The following KIF13B variants were observed in gnomAD, a reference collection of about 807,000 sequenced individuals.
The protein encoded by KIF13B is kinesin-like protein KIF13B.
Under a neutral mutation model 222.0 loss-of-function variants are expected in KIF13B, and 127 were observed. That is an observed-to-expected ratio of 0.57 (90% CI 0.50 to 0.66). KIF13B has a LOEUF of 0.66. Among genes scored for constraint, KIF13B ranks in the 30% least tolerant of loss-of-function variants. The probability of loss-of-function intolerance (pLI) is 0.00; values close to 1 mark genes in which losing one functional copy is unlikely to be tolerated. For synonymous variants in KIF13B, 976 were observed against 919.0 expected (o/e 1.06, Z -1.12); for missense variants, 2,173 against 2,379.0 (o/e 0.91, Z 1.80).
chr8:29,228,679 T>C (rs1815150245), intron 2 of KIF13B, among the ~76,000 whole-genome samples: 1 of 151,944 alleles, frequency 6.6e-6, no homozygotes, highest in Non-Finnish European at 1.5e-5. Context: ...GGTGCTTGTC[T>C]GAGAGCTGTG....
At chr8:29,129,646 CAA>C (rs11418745) in intron 24 of KIF13B, among the ~76,000 whole-genome samples, 11 of 149,868 alleles carry the variant, frequency 7.3e-5, no homozygotes, top group South Asian at 2.1e-4. Flanking sequence ...TAAAGTATAG[CAA>C]AAAAAAAAAA....
intron 1 of KIF13B, among the ~76,000 whole-genome samples, chr8:29,257,446 CTTAA>C (rs941652397): frequency 6.6e-5 from 10 of 152,140 alleles, no homozygotes; most frequent in Admixed American, 6.5e-4. Flanking sequence ...AATCCATCTC[CTTAA>C]TTAATAGTTT....
At chr8:29,129,202 G>T (rs1324127583) in intron 24 of KIF13B, among the ~76,000 whole-genome samples, 1 of 152,156 alleles carries the variant, frequency 6.6e-6, no homozygotes, top group African/African-American at 2.4e-5. Flanking sequence ...TTAGTAAAGG[G>T]TGTCAGAAGT....
At chr8:29,259,167 G>A (rs933158416) in intron 1 of KIF13B, among the ~76,000 whole-genome samples, 3 of 151,658 alleles carry the variant, frequency 2.0e-5, no homozygotes, top group Non-Finnish European at 2.9e-5. Flanking sequence ...CATTTTAATC[G>A]CTGTATAATA....
intron 2 of KIF13B, among the ~76,000 whole-genome samples, chr8:29,223,501 A>C (rs1814862851): frequency 6.6e-6 from 1 of 152,192 alleles, no homozygotes; most frequent in South Asian, 2.1e-4. Context: ...TGAATTATGT[A>C]TATCTAACAA....
intron 37 of KIF13B, among the ~76,000 whole-genome samples, chr8:29,084,387 C>T (rs1807949251): frequency 1.3e-5 from 2 of 152,152 alleles, no homozygotes; most frequent in South Asian, 2.1e-4. Flanking sequence ...GGAAGAATCA[C>T]AGTAATGGAA....
chr8:29,262,214 G>A (rs1401078227), intron 1 of KIF13B, among the ~76,000 whole-genome samples: 2 of 152,182 alleles, frequency 1.3e-5, no homozygotes, highest in African/African-American at 2.4e-5. Flanking sequence ...CGGGTCTACA[G>A]ATTATTTAAA....
chr8:29,087,031 G>C (rs1034674938), intron 37 of KIF13B, among the ~76,000 whole-genome samples: 1 of 152,228 alleles, frequency 6.6e-6, no homozygotes, highest in Non-Finnish European at 1.5e-5. Flanking sequence ...AGCCACGCCA[G>C]TGTGTGCGCA....
Position 29,134,227 on chromosome 8 carries a change from G to C in KIF13B, c.2614-17C>G, listed in dbSNP as rs771040365. 1.9e-6 allele frequency: 3 copies of C among 1,610,000 alleles called. No homozygotes were observed. Among genetic ancestry groups the C allele is most frequent in the Non-Finnish European group, 2.5e-6 (3 of 1,178,118 alleles). ...GATTTTAACCTGAAGGAAAAAGAAG[G>C]CTCTGTGTTTTGAAATCTGAGGGTT... On this transcript the variant is annotated splice_polypyrimidine_tract_variant and intron_variant, in intron 21 of 39. Transcript: ENST00000524189.
chr8:29,071,972 A>AG lies in KIF13B; in HGVS notation c.4865dup (p.Gly1623TrpfsTer68). On this transcript the variant is annotated frameshift_variant, in exon 39 of 40. Coordinates refer to ENST00000524189, the MANE Select transcript of KIF13B (RefSeq NM_015254.4). LOFTEE classifies it high-confidence loss of function. This position sits in a 1 kb window ranked among gnomAD's most constrained non-coding sequence, Gnocchi z 4.9. Reference sequence around the variant, plus strand: ...CGGGGCTCACGAGCTGCTGGGGGCCAGGGGGCTCCTCGGCGGGGACGGCCG... The same window carrying AG: ...CGGGGCTCACGAGCTGCTGGGGGCCAGGGGGGCTCCTCGGCGGGGACGGCCG... 1 of 1,322,434 alleles carries AG rather than the reference A, an allele frequency of 7.6e-7. No homozygotes were observed. Among genetic ancestry groups the AG allele is most frequent in the Non-Finnish European group, 9.6e-7 (1 of 1,040,234 alleles). The allele number at this position is 1,322,434 out of a possible 1,614,324, so 81.9% of individuals were successfully genotyped here.
chr8:29,235,442 C>T (rs1363555513), intron 2 of KIF13B, among the ~76,000 whole-genome samples: 1 of 152,310 alleles, frequency 6.6e-6, no homozygotes, highest in African/African-American at 2.4e-5. Flanking sequence ...GAAATTCCAA[C>T]TCCAGACTTG....
chr8:29,164,848 C>T (rs1269429745), intron 12 of KIF13B, among the ~76,000 whole-genome samples: 2 of 151,084 alleles, frequency 1.3e-5, no homozygotes, highest in African/African-American at 2.4e-5. Context: ...CCTACCCTAA[C>T]GTGTTTTTTT....
At chr8:29,159,531 G>C (rs564887637) in intron 13 of KIF13B, among the ~76,000 whole-genome samples, 4 of 152,242 alleles carry the variant, frequency 2.6e-5, no homozygotes, top group Non-Finnish European at 5.9e-5. Flanking sequence ...GTGGAATGTG[G>C]GATCTTTTCT....
In KIF13B at chr8:29,150,340, G is replaced by A. The variant is rs764185795; in HGVS notation, c.1579C>T (p.His527Tyr). Residue 527 changes from histidine (H) to tyrosine (Y), a missense_variant, in exon 15 of 40, where the codon CAC (histidine) becomes TAC (tyrosine). Transcript: ENST00000524189. ...CCCCATAATATCCTGTCCCCATGGT[G>A]TAGCTGTATTGGACTGGAGACAGAT... ...GSSVSSPIQLHHGDRILWGNN... is the reference protein window; with the variant it reads ...GSSVSSPIQLYHGDRILWGNN... 3.1e-6 allele frequency: 5 copies of A among 1,596,166 alleles called. No individual in the cohort carries two copies. The highest frequency in any genetic ancestry group is 4.5e-5 in the East Asian group (2 of 44,706).
chr8:29,070,282 T>A lies in KIF13B; in HGVS notation c.*222A>T. On this transcript the variant is annotated 3_prime_UTR_variant, in exon 40 of 40. Coordinates refer to ENST00000524189, the MANE Select transcript of KIF13B (RefSeq NM_015254.4). The surrounding 1 kb of genome is among the most constrained non-coding windows in gnomAD (Gnocchi z 4.1). Reference sequence around the variant, plus strand: ...CCCTGCGGGCACCCAGAACCTTCCATCCACCTGAGGAGGCACAGTTGAGGC... The same window carrying A: ...CCCTGCGGGCACCCAGAACCTTCCAACCACCTGAGGAGGCACAGTTGAGGC... 1 of 584,706 alleles carries A rather than the reference T, an allele frequency of 1.7e-6. No homozygotes were observed. Among genetic ancestry groups the A allele is most frequent in the Non-Finnish European group, 3.0e-6 (1 of 334,304 alleles). 36.2% of individuals were successfully genotyped at this position (584,706 alleles called of 1,614,324 possible). A position where few individuals can be genotyped will look rare whatever the true frequency, so the allele number is the denominator to read the frequency against.
Position 29,071,743 on chromosome 8 carries a change from C to T in KIF13B, c.5095G>A (p.Glu1699Lys), listed in dbSNP as rs566786202. 589 of 1,549,890 alleles carry T rather than the reference C, an allele frequency of 3.8e-4. 3 individuals are homozygous for T. Among genetic ancestry groups the T allele is most frequent in the Non-Finnish European group, 4.7e-5 (54 of 1,146,658 alleles). The change falls in exon 39 of 40, where the codon GAG becomes AAG. Residue 1699 changes from glutamate to lysine, a missense_variant. Coordinates refer to ENST00000524189, the MANE Select transcript of KIF13B (RefSeq NM_015254.4). This position sits in a 1 kb window ranked among gnomAD's most constrained non-coding sequence, Gnocchi z 4.9. ...SDSEEADEVP[E>K]WLREGEFVTV... ...ACGAACTCGCCCTCTCGGAGCCACTCCGGGACCTCGTCAGCTTCCTCGGAA... is the reference window on the plus strand; with the variant it reads ...ACGAACTCGCCCTCTCGGAGCCACTTCGGGACCTCGTCAGCTTCCTCGGAA...
intron 1 of KIF13B, among the ~76,000 whole-genome samples, chr8:29,257,007 G>A (rs567526174): frequency 1.8e-4 from 27 of 152,182 alleles, no homozygotes; most frequent in African/African-American, 6.3e-4. Context: ...CACCCACCTC[G>A]GCCTCCCAAA....
At position 29,195,178 on chromosome 8, in the gene KIF13B, G is replaced by T. The variant is rs1586910135; in HGVS notation, c.162+1009C>A. ...CAGGAGAATTGCTTGAACCCAGGAG[G>T]CAAAGATTGCAGTGAGCCAAGATCA... On this transcript the variant is annotated intron_variant, in intron 3 of 39. Coordinates refer to ENST00000524189, the MANE Select transcript of KIF13B (RefSeq NM_015254.4). Among the ~76,000 whole-genome samples the T allele has an allele frequency of 3.3e-5, 5 of 152,094 alleles. 1 individual carries two copies. In the South Asian group the frequency reaches 1.0e-3, roughly 32 times the overall value.
chr8:29,091,976 T>C (rs1467133518), intron 37 of KIF13B, among the ~76,000 whole-genome samples: 2 of 152,262 alleles, frequency 1.3e-5, no homozygotes, highest in Non-Finnish European at 2.9e-5. Context: ...GAAAATTCTT[T>C]AGTTAAGTCT....
Sources: gnomAD v4.1 joint callset for allele counts (sites outside exome capture counted in the v4.1 genomes callset) on GRCh38, gnomAD v4.1.1 for gene constraint, Gnocchi (gnomAD v3.1) non-coding constraint, MANE v1.5 for transcripts, NCBI Gene and HGNC (gene_info 2026-07-23, HGNC 2026-07-21) for gene names.